The following COG5 variants were observed in gnomAD, a reference collection of about 807,000 sequenced individuals.
COG5 encodes conserved oligomeric Golgi complex subunit 5.
Under a neutral mutation model 110.4 loss-of-function variants are expected in COG5, and 86 were observed. The observed-to-expected ratio is 0.78, with a 90% CI of 0.65 to 0.93. The LOEUF (loss-of-function observed/expected upper bound fraction) is 0.93. Ranked by LOEUF, COG5 falls within the 40% of genes least tolerant of loss-of-function variation. The probability of loss-of-function intolerance (pLI) is 0.00; values close to 1 mark genes in which losing one functional copy is unlikely to be tolerated. For synonymous variants in COG5, 360 were observed against 334.6 expected, an observed-to-expected ratio of 1.08 and a Z score of -0.83; for missense variants, 1,077 against 987.0, an observed-to-expected ratio of 1.09 and a Z score of -1.22.
chr7:107,280,532 G>A (rs1805082054), intron 14 of COG5, among the ~76,000 whole-genome samples: 1 of 151,860 alleles, frequency 6.6e-6, no homozygotes, highest in Non-Finnish European at 1.5e-5. Context: ...AACTGAAAAC[G>A]TAGTTAGCTA....
chr7:107,478,266 C>T (rs895197675), intron 6 of COG5, among the ~76,000 whole-genome samples: 2 of 151,958 alleles, frequency 1.3e-5, no homozygotes, highest in East Asian at 1.9e-4. Flanking sequence ...AATGTTCAAA[C>T]TTATTGTGAA....
At chr7:107,334,825 A>C (rs1360103920) in intron 10 of COG5, among the ~76,000 whole-genome samples, 3 of 152,156 alleles carry the variant, frequency 2.0e-5, no homozygotes, top group African/African-American at 7.2e-5. Context: ...AAACATCTGA[A>C]GGTATAAAAC....
intron 16 of COG5, among the ~76,000 whole-genome samples, chr7:107,254,688 T>C (rs939173694): frequency 2.0e-4 from 30 of 152,270 alleles, no homozygotes; most frequent in African/African-American, 7.2e-4. Context: ...CCAGCTAATA[T>C]ATTAAAAGAA....
intron 6 of COG5, 91 bp from the exon 7 acceptor site, chr7:107,412,723 A>C (rs931010585): frequency 3.9e-5 from 33 of 848,186 alleles, no homozygotes; most frequent in African/African-American, 2.1e-4. Flanking sequence ...AAAAAAAAAA[A>C]ACAAAAAACG....
At chr7:107,526,731 C>T (rs1037093633) in intron 6 of COG5, among the ~76,000 whole-genome samples, 20 of 152,018 alleles carry the variant, frequency 1.3e-4, no homozygotes, top group African/African-American at 4.8e-4. Context: ...ATTAGTACAC[C>T]CCAAAACTTG....
intron 7 of COG5, among the ~76,000 whole-genome samples, chr7:107,373,182 C>G (rs1181653746): frequency 6.6e-6 from 1 of 152,084 alleles, no homozygotes; most frequent in Non-Finnish European, 1.5e-5. Flanking sequence ...CAGACTTATT[C>G]ATTATATTTC....
intron 10 of COG5, among the ~76,000 whole-genome samples, chr7:107,350,122 G>C (rs1812005939): frequency 6.6e-6 from 1 of 152,158 alleles, no homozygotes; most frequent in Non-Finnish European, 1.5e-5. Flanking sequence ...GTTCCTGCAT[G>C]TATTGAGAGG....
rs150759856 is a variant in COG5 at position 107,337,227 on chromosome 7, G to C, written c.1027-12706C>G. On this transcript the variant is annotated intron_variant, in intron 10 of 21. Coordinates refer to ENST00000297135, the MANE Select transcript of COG5 (RefSeq NM_006348.5). ...AAGGTAAATTAGTGTAGCCACTATG[G>C]AAAATAGTACAGAGATTTCTCAAAA... Among the ~76,000 whole-genome samples the C allele has an allele frequency of 1.5e-4, 23 of 152,246 alleles. No individual in the cohort carries two copies. The East Asian group carries it at 4.2e-3, about 28-fold the overall frequency.
At chr7:107,348,588 T>C (rs950141657) in intron 10 of COG5, among the ~76,000 whole-genome samples, 4 of 152,210 alleles carry the variant, frequency 2.6e-5, no homozygotes, top group South Asian at 2.1e-4. Context: ...GTTTTTCTTA[T>C]TGTCCTCTTA....
At chr7:107,289,817 T>G (rs1806015054) in intron 12 of COG5, among the ~76,000 whole-genome samples, 1 of 152,212 alleles carries the variant, frequency 6.6e-6, no homozygotes, top group Non-Finnish European at 1.5e-5. Flanking sequence ...AATTACTATT[T>G]TACTATCTGT....
intron 10 of COG5, among the ~76,000 whole-genome samples, chr7:107,349,280 G>T (rs1295841430): frequency 6.6e-6 from 1 of 152,002 alleles, no homozygotes; most frequent in Non-Finnish European, 1.5e-5. Context: ...CTTCTAAACT[G>T]GAATCCTTTT....
intron 6 of COG5, among the ~76,000 whole-genome samples, chr7:107,417,464 T>C (rs1465042649): frequency 6.6e-6 from 1 of 152,180 alleles, no homozygotes; most frequent in Non-Finnish European, 1.5e-5. Flanking sequence ...CAAAATTTAC[T>C]TAACCTTCAG....
chr7:107,211,637 T>C (rs1295545366), intron 19 of COG5, among the ~76,000 whole-genome samples: 3 of 152,212 alleles, frequency 2.0e-5, no homozygotes, highest in African/African-American at 7.2e-5. Flanking sequence ...CTTTGGACCA[T>C]AATCAAATGT....
intron 10 of COG5, among the ~76,000 whole-genome samples, chr7:107,341,164 T>A (rs1008692790): frequency 1.3e-5 from 2 of 152,164 alleles, no homozygotes; most frequent in South Asian, 2.1e-4. Flanking sequence ...AACTGACAAG[T>A]GATTATAGCA....
At chr7:107,264,630 T>C (rs1302588848) in intron 14 of COG5, among the ~76,000 whole-genome samples, 1 of 152,106 alleles carries the variant, frequency 6.6e-6, no homozygotes, top group South Asian at 2.1e-4. Context: ...GAGGTGGAGA[T>C]TGCAGTGAGT....
At chr7:107,271,252 C>T (rs979737677) in intron 14 of COG5, among the ~76,000 whole-genome samples, 5 of 151,874 alleles carry the variant, frequency 3.3e-5, no homozygotes, top group African/African-American at 1.2e-4. Flanking sequence ...TCCCTTGAAA[C>T]AAGTGTCTTG....
chr7:107,249,690 T>TTGTGTGTGTGTGTGTGTG (rs57572752), intron 16 of COG5, among the ~76,000 whole-genome samples: 3 of 131,658 alleles, frequency 2.3e-5, no homozygotes, highest in Non-Finnish European at 5.1e-5. Context: ...ACGTACAGGA[T>TTGTGTGTGTGTGTGTGTG]TGTGTGTGTG....
chr7:107,306,344 G>C (rs994583171), intron 11 of COG5, among the ~76,000 whole-genome samples: 1 of 152,064 alleles, frequency 6.6e-6, no homozygotes, highest in African/African-American at 2.4e-5. Flanking sequence ...ACTGAAGTGG[G>C]TAATAATTTT....
chr7:107,455,190 T>A (rs1005884206), intron 6 of COG5, among the ~76,000 whole-genome samples: 6 of 152,156 alleles, frequency 3.9e-5, no homozygotes, highest in Non-Finnish European at 5.9e-5. Flanking sequence ...TAACAGAGTA[T>A]AGCTGGAAGA....
Sources: allele counts gnomAD v4.1 joint callset (sites outside exome capture counted in the v4.1 genomes callset), GRCh38; gene constraint gnomAD v4.1.1; transcripts MANE v1.5; gene names NCBI Gene and HGNC (gene_info 2026-07-23, HGNC 2026-07-21).